ST3GAL3: variants seen among roughly 807,000 people sequenced by gnomAD.
The protein encoded by ST3GAL3 is ST3 beta-galactoside alpha-2,3-sialyltransferase 3.
A neutral mutation model predicts 50.1 loss-of-function variants in ST3GAL3; 21 were observed. The observed-to-expected ratio is 0.42, with a 90% confidence interval of 0.30 to 0.60. ST3GAL3 has a LOEUF of 0.60. ST3GAL3 is among the 20% of genes least tolerant of loss of function. The pLI is 0.19. For missense variants in ST3GAL3, 353 were observed against 489.4 expected (o/e 0.72, Z 2.63); for synonymous variants, 183 against 190.0 (o/e 0.96, Z 0.30).
At chr1:43,842,767 C>T (rs2065610177) in intron 5 of ST3GAL3, 1 of 143,300 alleles carries the variant, frequency 7.0e-6, no homozygotes, top group Non-Finnish European at 1.5e-5. Flanking sequence ...GATCACGCCA[C>T]TGCACTCTAC....
At chr1:43,900,075 C>A (rs112101178) in intron 9 of ST3GAL3, among the ~76,000 whole-genome samples, 2 of 151,938 alleles carry the variant, frequency 1.3e-5, no homozygotes, top group Non-Finnish European at 2.9e-5. Flanking sequence ...CTCAGGCCAG[C>A]CTTCGTATCA....
chr1:43,921,802 G>C, intron 11 of ST3GAL3: 1 of 398,754 alleles, frequency 2.5e-6, no homozygotes, highest in Non-Finnish European at 4.4e-6. Context: ...CTGATCTGTC[G>C]GGCTCTGCAC....
intron 2 of ST3GAL3, among the ~76,000 whole-genome samples, chr1:43,745,803 A>G (rs1463781599): frequency 6.6e-6 from 1 of 151,954 alleles, no homozygotes; most frequent in African/African-American, 2.4e-5. Context: ...TAATTTTTCT[A>G]TTTTCAGTAG....
At chr1:43,721,874 T>TA (rs1423215578) in intron 1 of ST3GAL3, among the ~76,000 whole-genome samples, 1 of 152,230 alleles carries the variant, frequency 6.6e-6, no homozygotes, top group African/African-American at 2.4e-5. Flanking sequence ...GTGCTGGGCT[T>TA]ACAGGCGTGA....
At chr1:43,770,323 C>T (rs985021563) in intron 2 of ST3GAL3, among the ~76,000 whole-genome samples, 24 of 150,976 alleles carry the variant, frequency 1.6e-4, no homozygotes, top group African/African-American at 5.4e-4. Context: ...GACCAGTGGA[C>T]GGGCCTCAAG....
chr1:43,814,824 G>A, intron 3 of ST3GAL3, 67 bp from the exon 4 acceptor site: 2 of 1,481,670 alleles, frequency 1.3e-6, no homozygotes, highest in Non-Finnish European at 1.9e-6. Context: ...TCTAGGTCTG[G>A]GGGATGCAAT....
chr1:43,869,098 T>G (rs2072018565), intron 5 of ST3GAL3, among the ~76,000 whole-genome samples: 1 of 152,118 alleles, frequency 6.6e-6, no homozygotes, highest in Non-Finnish European at 1.5e-5. Flanking sequence ...GCTTGGTGGT[T>G]CTAGAACCCT....
intron 3 of ST3GAL3, among the ~76,000 whole-genome samples, chr1:43,806,586 G>T (rs2059913800): frequency 6.6e-6 from 1 of 152,206 alleles, no homozygotes; most frequent in South Asian, 2.1e-4. Flanking sequence ...AACAGGCAAA[G>T]ATAAGTCTGA....
chr1:43,852,722 G>A (rs1479997215), intron 5 of ST3GAL3, among the ~76,000 whole-genome samples: 1 of 152,210 alleles, frequency 6.6e-6, no homozygotes, highest in Non-Finnish European at 1.5e-5. Context: ...TAGATTGAAA[G>A]GAGATGAAGA....
chr1:43,897,237 T>G (rs1410630765), intron 6 of ST3GAL3, among the ~76,000 whole-genome samples: 1 of 152,196 alleles, frequency 6.6e-6, no homozygotes, highest in Non-Finnish European at 1.5e-5. Flanking sequence ...AGGATCTTAG[T>G]GTCTGCACAT....
At chr1:43,866,062 T>C (rs1388440414) in intron 5 of ST3GAL3, among the ~76,000 whole-genome samples, 1 of 152,204 alleles carries the variant, frequency 6.6e-6, no homozygotes, top group Non-Finnish European at 1.5e-5. Flanking sequence ...TCTGGAATTA[T>C]CACTGTCTGC....
rs1215358175 is a variant in ST3GAL3, at chr1:43,899,493, G to A, written c.558-48G>A. 1.2e-6 allele frequency: 2 copies of A among 1,606,888 alleles called. No individual in the cohort carries two copies. Among genetic ancestry groups the A allele is most frequent in the Admixed American group, 1.7e-5 (1 of 59,982 alleles). On this transcript the variant is annotated intron_variant, in intron 8 of 11. Coordinates refer to ENST00000347631, the MANE Select transcript of ST3GAL3 (RefSeq NM_006279.5). This position sits in a 1 kb window ranked among gnomAD's most constrained non-coding sequence, Gnocchi z 5.4. ...GCCTGGGATAGTCTGGGGTCATGGT[G>A]CCTTCCCAAACACAGGCCCAGGCTC...
chr1:43,795,927 C>T (rs1220547179), intron 3 of ST3GAL3, among the ~76,000 whole-genome samples: 1 of 152,116 alleles, frequency 6.6e-6, no homozygotes, highest in Admixed American at 6.5e-5. Flanking sequence ...CACCCCAAAC[C>T]CCAGCAATGG....
At chr1:43,855,061 T>G (rs1457574650) in intron 5 of ST3GAL3, among the ~76,000 whole-genome samples, 2 of 152,228 alleles carry the variant, frequency 1.3e-5, no homozygotes, top group East Asian at 3.9e-4. Flanking sequence ...GTAAACTCAT[T>G]CAACAAAGTG....
intron 2 of ST3GAL3, among the ~76,000 whole-genome samples, chr1:43,760,966 C>T (rs866214170): frequency 1.3e-5 from 2 of 152,172 alleles, no homozygotes; most frequent in Non-Finnish European, 2.9e-5. Context: ...AAGAAGCAGG[C>T]CACAAAGGCC....
chr1:43,830,907 A>G (rs2063457493), intron 4 of ST3GAL3, among the ~76,000 whole-genome samples: 1 of 152,228 alleles, frequency 6.6e-6, no homozygotes, highest in Non-Finnish European at 1.5e-5. Context: ...AAACTATGAT[A>G]ATAATTCAGA....
At chr1:43,859,376 A>G (rs1312625067) in intron 5 of ST3GAL3, among the ~76,000 whole-genome samples, 3 of 152,132 alleles carry the variant, frequency 2.0e-5, no homozygotes, top group African/African-American at 4.8e-5. Context: ...CCTGACCGAC[A>G]TGGAGAAACC....
In ST3GAL3 at chr1:43,930,122, C is replaced by G. The variant is rs368686280; in HGVS notation, c.1039-10C>G. 1.1e-5 allele frequency: 18 copies of G among 1,613,948 alleles called. No homozygotes were observed. The African/African-American group carries it at 2.3e-4, about 20-fold the overall frequency. ...AAAGGCCCAACTGATCACTTCATCT[C>G]TCCTTTCAGTCCTGGACGCACAATA... On this transcript the variant is annotated splice_polypyrimidine_tract_variant and intron_variant, in intron 11 of 11. Transcript: ENST00000347631.
At chr1:43,816,855 C>T (rs2061306312) in intron 4 of ST3GAL3, among the ~76,000 whole-genome samples, 1 of 152,224 alleles carries the variant, frequency 6.6e-6, no homozygotes, top group Non-Finnish European at 1.5e-5. Flanking sequence ...ACTGTCCTGC[C>T]TCTAGCTGCA....
Sources: gnomAD v4.1 joint callset for allele counts (sites outside exome capture counted in the v4.1 genomes callset) on GRCh38, gnomAD v4.1.1 for gene constraint, Gnocchi (gnomAD v3.1) non-coding constraint, MANE v1.5 for transcripts, NCBI Gene and HGNC (gene_info 2026-07-23, HGNC 2026-07-21) for gene names.